Variants in RAD52 observed in about 807,000 individuals in gnomAD.
RAD52 encodes the protein DNA repair protein RAD52 homolog.
A neutral mutation model predicts 55.5 loss-of-function variants in RAD52; 47 were observed. The observed-to-expected ratio is 0.85, with a 90% CI of 0.67 to 1.08. The LOEUF is 1.08. RAD52 is among the 50% of genes least tolerant of loss of function. The probability of loss-of-function intolerance (pLI) is 0.00; values close to 1 mark genes in which losing one functional copy is unlikely to be tolerated. For synonymous variants in RAD52, 184 were observed against 198.9 expected (o/e 0.92, Z 0.63); for missense variants, 468 against 522.8 (o/e 0.90, Z 1.02).
chr12:984,912 G>A (rs1306235562), intron 1 of RAD52, among the ~76,000 whole-genome samples: 4 of 152,054 alleles, frequency 2.6e-5, no homozygotes, highest in South Asian at 2.1e-4. Flanking sequence ...TGATCTGCCC[G>A]CCTCAGTCTC....
At chr12:956,204 C>G (rs900924282) in intron 1 of RAD52, among the ~76,000 whole-genome samples, 2 of 152,180 alleles carry the variant, frequency 1.3e-5, no homozygotes, top group African/African-American at 4.8e-5. Flanking sequence ...CAGCCATCTT[C>G]CAACGCAATA....
At chr12:916,275 C>G (rs1324945342) in intron 9 of RAD52, 69 bp downstream of exon 9, 3 of 1,579,404 alleles carry the variant, frequency 1.9e-6, no homozygotes, top group Non-Finnish European at 2.6e-6. Flanking sequence ...CGCAGAGAAT[C>G]AGAAGACCCT....
chr12:986,566 T>G (rs1959088226), intron 1 of RAD52, among the ~76,000 whole-genome samples: 1 of 152,120 alleles, frequency 6.6e-6, no homozygotes, highest in Non-Finnish European at 1.5e-5. Flanking sequence ...GGTCTCGCTG[T>G]GTTGTCTGGG....
In RAD52 at chr12:931,296, T is replaced by C; in HGVS notation, c.110A>G (p.Gln37Arg). 1 of 1,610,810 alleles carries C rather than the reference T, an allele frequency of 6.2e-7. No individual in the cohort carries two copies. Residue 37 changes from glutamine (Q) to arginine (R), a missense_variant, in exon 3 of 12, where the codon CAG becomes CGG. Transcript: ENST00000358495. ...GQCQYTAEEY[Q>R]AIQKALRQRL... ...CTGCCTCAGGGCCTTCTGGATGGCC[T>C]GGTACTCTTCTGCTGTGTACTGGCA...
Position 912,737 on chromosome 12 carries a change from A to C in RAD52, c.*654T>G, listed in dbSNP as rs1011250516. On this transcript the variant is annotated 3_prime_UTR_variant, in exon 12 of 12. Coordinates refer to ENST00000358495, the MANE Select transcript of RAD52 (RefSeq NM_134424.4). ...GACCCCGTCTCAAAAAAAAAAAAAA[A>C]AAAAAAAACAAAAAACAGCCTTTTT... The C allele has an allele frequency of 1.2e-4, 17 of 139,324 alleles. No individual in the cohort carries two copies. The highest frequency in any genetic ancestry group is 3.0e-3 in the Middle Eastern group (1 of 338). 8.6% of individuals were successfully genotyped at this position (139,324 alleles called of 1,614,324 possible).
intron 7 of RAD52, among the ~76,000 whole-genome samples, chr12:917,602 G>A (rs1463519470): frequency 6.6e-6 from 1 of 151,822 alleles, no homozygotes; most frequent in East Asian, 1.9e-4. Flanking sequence ...ATGAGCTTTG[G>A]CCAGGCACGT....
intron 7 of RAD52, among the ~76,000 whole-genome samples, chr12:924,312 A>G (rs1956904906): frequency 6.6e-6 from 1 of 151,856 alleles, no homozygotes; most frequent in Admixed American, 6.6e-5. Flanking sequence ...CAGGAGGCTG[A>G]GGCAGGAGCA....
intron 1 of RAD52, among the ~76,000 whole-genome samples, chr12:989,247 C>T (rs997099432): frequency 3.5e-4 from 54 of 152,214 alleles, no homozygotes; most frequent in African/African-American, 1.3e-3. Context: ...TAAAGCACTT[C>T]TGGGCTGACA....
chr12:940,648 G>A (rs773509023), intron 1 of RAD52, among the ~76,000 whole-genome samples: 11 of 151,886 alleles, frequency 7.2e-5, no homozygotes, highest in Non-Finnish European at 1.2e-4. Flanking sequence ...AAGAGAAAGG[G>A]TACCCTCTGA....
chr12:951,332 C>A (rs543558676), upstream of RAD52, among the ~76,000 whole-genome samples: 12 of 152,236 alleles, frequency 7.9e-5, no homozygotes, highest in African/African-American at 2.9e-4. Context: ...AGGCTTTTCA[C>A]AACTCCTGGC....
intron 1 of RAD52, among the ~76,000 whole-genome samples, chr12:984,963 C>T (rs1423807529): frequency 1.3e-5 from 2 of 152,192 alleles, no homozygotes; most frequent in Non-Finnish European, 2.9e-5. Flanking sequence ...CCGCGCCTGT[C>T]CACACCAGGC....
At chr12:939,085 T>TGTGTGTGTAG (rs57206780) in intron 1 of RAD52, among the ~76,000 whole-genome samples, 4,395 of 144,592 alleles carry the variant, frequency 0.03, 95 homozygotes, top group Middle Eastern at 0.063. Context: ...TGTGTGTGTG[T>TGTGTGTGTAG]AGAGAGAGAG....
At position 916,716 on chromosome 12, in the gene RAD52, G is replaced by A. The variant is rs2154108891; in HGVS notation, c.648C>T (p.His216=). The A allele has an allele frequency of 6.2e-7, 1 of 1,614,168 alleles. No homozygotes were observed. The highest frequency in any genetic ancestry group is 8.5e-7 in the Non-Finnish European group (1 of 1,180,010). The part of the protein sequence containing the change: ...NSCRPNMALG[H]PQLQQVTSPS... ...GGGAGGTCACCTGCTGCAGCTGTGGGTGTCCCAGGGCCATGTTCGGTCGGC... is the reference window on the plus strand; with the variant it reads ...GGGAGGTCACCTGCTGCAGCTGTGGATGTCCCAGGGCCATGTTCGGTCGGC... The change falls in exon 8 of 12, where the codon CAC becomes CAT. Residue 216 remains histidine (H), a synonymous_variant. Coordinates refer to ENST00000358495, the MANE Select transcript of RAD52 (RefSeq NM_134424.4).
In RAD52 at chr12:933,116, A is replaced by G. The variant is rs1043014132; in HGVS notation, c.-18-40T>C. 2.7e-5 allele frequency: 39 copies of G among 1,423,376 alleles called. No homozygotes were observed. In the East Asian group the frequency reaches 8.4e-4, roughly 31 times the overall value. 88.2% of individuals were successfully genotyped at this position (1,423,376 alleles called of 1,614,324 possible). ...AGCGGAAAAAAAAAACAACCCTCAAAGAATGTTTAAAGTAAAAGGCAAGAG... is the reference window on the plus strand; with the variant it reads ...AGCGGAAAAAAAAAACAACCCTCAAGGAATGTTTAAAGTAAAAGGCAAGAG... On this transcript the variant is annotated intron_variant, in intron 1 of 11. Coordinates refer to ENST00000358495, the MANE Select transcript of RAD52 (RefSeq NM_134424.4).
Position 937,991 on chromosome 12 carries a change from C to T in RAD52, c.-18-4915G>A, listed in dbSNP as rs149586538. 7.9e-4 allele frequency among the ~76,000 whole-genome samples: 120 copies of T among 152,204 alleles called. 1 individual carries two copies. Among genetic ancestry groups the T allele is most frequent in the Middle Eastern group, 6.8e-3 (2 of 294 alleles). ...CTTCTCCAGTGGAATTAGGTTCCCC[C>T]GTGGCAACAGGCTTGAAAACTCACC... On this transcript the variant is annotated intron_variant, in intron 1 of 11. Transcript: ENST00000358495.
intron 1 of RAD52, among the ~76,000 whole-genome samples, chr12:969,187 A>G (rs1243795601): frequency 6.6e-6 from 1 of 152,076 alleles, no homozygotes; most frequent in Non-Finnish European, 1.5e-5. Flanking sequence ...ATTTCATATC[A>G]GCAACTGTAT....
upstream of RAD52, among the ~76,000 whole-genome samples, chr12:952,651 T>C (rs368055694): frequency 8.1e-3 from 1,202 of 149,232 alleles, 8 homozygotes; most frequent in Middle Eastern, 0.014. Flanking sequence ...CTTTGGGAGG[T>C]CAAGACGAGA....
chr12:918,283 C>T (rs11571456), intron 7 of RAD52, among the ~76,000 whole-genome samples: 16,427 of 152,272 alleles, frequency 0.11, 979 homozygotes, highest in South Asian at 0.17. Context: ...AACTGCTGCT[C>T]GTACCATGAA....
intron 1 of RAD52, among the ~76,000 whole-genome samples, chr12:985,153 T>G (rs1698301975): frequency 6.6e-6 from 1 of 152,140 alleles, no homozygotes; most frequent in Non-Finnish European, 1.5e-5. Context: ...TAATTTTATT[T>G]TTTTGGAGAC....
Sources: gnomAD v4.1 joint callset for allele counts (sites outside exome capture counted in the v4.1 genomes callset) on GRCh38, gnomAD v4.1.1 for gene constraint, MANE v1.5 for transcripts, NCBI Gene and HGNC (gene_info 2026-07-23, HGNC 2026-07-21) for gene names.